The following NDST1 variants were observed in gnomAD, a reference collection of about 807,000 sequenced individuals.
The protein encoded by NDST1 is bifunctional heparan sulfate N-deacetylase/N-sulfotransferase 1.
In NDST1, 35 loss-of-function variants were observed where a neutral mutation model predicts 92.8. The observed-to-expected ratio is 0.38, with a 90% CI of 0.29 to 0.50. The LOEUF is 0.50. NDST1 is among the 20% of genes least tolerant of loss of function. The pLI is 0.94. For missense variants in NDST1, 822 were observed against 1,182.7 expected (o/e 0.69, Z 4.47); for synonymous variants, 493 against 500.3 (o/e 0.99, Z 0.19).
Position 150,527,953 on chromosome 5 carries a change from C to A in NDST1, c.663C>A (p.Pro221=). The change falls in exon 3 of 15, where the codon CCC becomes CCA. Residue 221 remains proline (P), a synonymous_variant. Transcript: ENST00000261797. ...GCGAGGTGGAGAAAGGTGTGCTCCC[C>A]GGCGAGGACTGGACGGTTTTCCAGT... is the stretch of plus-strand genomic sequence containing the variant. The part of the protein sequence containing the change: ...RPSEVEKGVL[P]GEDWTVFQSN... The A allele has an allele frequency of 6.2e-7, 1 of 1,614,018 alleles. No homozygotes were observed. The highest frequency in any genetic ancestry group is 1.1e-5 in the South Asian group (1 of 91,072).
upstream of NDST1, among the ~76,000 whole-genome samples, chr5:150,505,209 G>A (rs972284420): frequency 6.6e-6 from 1 of 152,204 alleles, no homozygotes. Context: ...TGGTTCATCT[G>A]TGGAATGCTT....
At chr5:150,532,613 G>A (rs1341619062) in intron 3 of NDST1, among the ~76,000 whole-genome samples, 2 of 151,962 alleles carry the variant, frequency 1.3e-5, no homozygotes, top group African/African-American at 4.8e-5. Flanking sequence ...CTGCACCTCC[G>A]CCTCCCGGGT....
rs762327425 is a variant in NDST1 at position 150,551,700 on chromosome 5, C to T, written c.2427-53C>T. On this transcript the variant is annotated intron_variant, in intron 13 of 14. Transcript: ENST00000261797. ...GGGTCCATGAACATGGCTTTAAGGT[C>T]GGAAGTGGGTGGCTGAGCCAGCTCC... The T allele has an allele frequency of 1.8e-5, 29 of 1,598,644 alleles. No homozygotes were observed. In the Middle Eastern group the frequency reaches 6.8e-4, roughly 38 times the overall value.
Position 150,557,503 on chromosome 5 carries a change from G to C in NDST1, c.*4171G>C, listed in dbSNP as rs1755894319. ...CCTGGCTGGCAGCAGGAGCTGTGAA[G>C]TTTCATCCCAGCCGGGTGCATTTAG... On this transcript the variant is annotated 3_prime_UTR_variant, in exon 15 of 15. Transcript: ENST00000261797. This position sits in a 1 kb window ranked among gnomAD's most constrained non-coding sequence, Gnocchi z 4.7. 6.6e-6 allele frequency: 1 copy of C among 152,404 alleles called. No individual in the cohort carries two copies. Among genetic ancestry groups the C allele is most frequent in the Admixed American group, 6.5e-5 (1 of 15,292 alleles). 9.4% of individuals were successfully genotyped at this position (152,404 alleles called of 1,614,324 possible).
Position 150,553,883 on chromosome 5 carries a change from C to T in NDST1, c.*551C>T. On this transcript the variant is annotated 3_prime_UTR_variant, in exon 15 of 15. Transcript: ENST00000261797. The surrounding 1 kb of genome is among the most constrained non-coding windows in gnomAD (Gnocchi z 4.2). ...TCAAGAGGACTCCCAGCCTCCACAT[C>T]TGGTTCCTACCTTCACATCTCACCC... The T allele has an allele frequency of 2.3e-6, 1 of 430,534 alleles. No homozygotes were observed. Among genetic ancestry groups the T allele is most frequent in the Non-Finnish European group, 4.1e-6 (1 of 244,246 alleles). 26.7% of individuals were successfully genotyped at this position (430,534 alleles called of 1,614,324 possible).
In NDST1 at chr5:150,521,903, T is replaced by A; in HGVS notation, c.513+136T>A. 8.7e-7 allele frequency: 1 copy of A among 1,150,376 alleles called. No homozygotes were observed. The highest frequency in any genetic ancestry group is 1.3e-6 in the Non-Finnish European group (1 of 790,646). The allele number at this position is 1,150,376 out of a possible 1,614,324, so 71.3% of individuals were successfully genotyped here. On this transcript the variant is annotated intron_variant, in intron 2 of 14. Transcript: ENST00000261797. This position sits in a 1 kb window ranked among gnomAD's most constrained non-coding sequence, Gnocchi z 5.9. ...TGGGAGGGTTAAATGAGTGAGTATA[T>A]GTAAAGCACTGGGAGCATGCGGTGC...
upstream of NDST1, among the ~76,000 whole-genome samples, chr5:150,504,109 C>A (rs1561585509): frequency 1.3e-5 from 2 of 152,198 alleles, no homozygotes; most frequent in Non-Finnish European, 2.9e-5. Flanking sequence ...CCACACTTCA[C>A]TGGTGCCCAG....
Position 150,527,930 on chromosome 5 carries a change from G to A in NDST1, c.640G>A (p.Glu214Lys), listed in dbSNP as rs753290715. The A allele has an allele frequency of 2.5e-6, 4 of 1,614,100 alleles. No individual in the cohort carries two copies. Among genetic ancestry groups the A allele is most frequent in the East Asian group, 4.5e-5 (2 of 44,900 alleles). Residue 214 changes from glutamate (E) to lysine (K), a missense_variant, in exon 3 of 15, where the codon GAG becomes AAG. Transcript: ENST00000261797. ...SPLLYVTRPSEVEKGVLPGED... is the reference protein window; with the variant it reads ...SPLLYVTRPSKVEKGVLPGED... ...GCTGCTCTACGTGACGCGACCTAGCGAGGTGGAGAAAGGTGTGCTCCCCGG... is the reference window on the plus strand; with the variant it reads ...GCTGCTCTACGTGACGCGACCTAGCAAGGTGGAGAAAGGTGTGCTCCCCGG...
intron 2 of NDST1, among the ~76,000 whole-genome samples, chr5:150,522,741 C>T (rs1457710486): frequency 6.6e-6 from 1 of 151,766 alleles, no homozygotes; most frequent in African/African-American, 2.4e-5. Context: ...GTGATCAGTA[C>T]AAAAAGAAAC....
chr5:150,539,626 A>G (rs749987988), intron 7 of NDST1: 13 of 985,176 alleles, frequency 1.3e-5, no homozygotes, highest in African/African-American at 1.0e-4. Flanking sequence ...GTCTTTGCTC[A>G]TGTGTGTATA....
intron 12 of NDST1, 68 bp from the exon 13 acceptor site, chr5:150,549,609 TG>T: frequency 2.2e-6 from 2 of 891,128 alleles, no homozygotes; most frequent in South Asian, 2.8e-5. Context: ...CCATTCCTGC[TG>T]CCGTGGCTGT....
intron 1 of NDST1, among the ~76,000 whole-genome samples, chr5:150,513,405 CGCTCGAAGCTTGAA>C (rs769356631): frequency 1.3e-5 from 2 of 152,114 alleles, no homozygotes; most frequent in Non-Finnish European, 2.9e-5. Context: ...GCTCGAAAAT[CGCTCGAAGCTTGAA>C]CCCAGGAGGG....
intron 1 of NDST1, among the ~76,000 whole-genome samples, chr5:150,511,685 G>A (rs1753728836): frequency 6.6e-6 from 1 of 152,086 alleles, no homozygotes; most frequent in South Asian, 2.1e-4. Flanking sequence ...CTGGACTCTG[G>A]GGTGACTGAC....
intron 1 of NDST1, among the ~76,000 whole-genome samples, chr5:150,511,636 G>T (rs1291789961): frequency 6.6e-6 from 1 of 152,100 alleles, no homozygotes; most frequent in African/African-American, 2.4e-5. Context: ...GCGACTCTGA[G>T]CCAGACCTCC....
In NDST1 at chr5:150,545,372, C is replaced by T. The variant is rs139041226; in HGVS notation, c.2031C>T (p.Ser677=). 1.8e-4 allele frequency: 291 copies of T among 1,614,236 alleles called. No individual in the cohort carries two copies. Among genetic ancestry groups the T allele is most frequent in the Non-Finnish European group, 2.3e-4 (267 of 1,180,038 alleles). ...NTTSDFYFEK[S]ANYFDSEVAP... is the part of the protein sequence containing the mutation. The stretch of plus-strand genomic sequence containing the variant: ...CCTCCGACTTCTACTTTGAGAAAAG[C>T]GCCAACTACTTTGATTCAGAAGTGG... The change falls in exon 11 of 15, where the codon AGC becomes AGT. Residue 677 remains serine (S), a synonymous_variant. Coordinates refer to ENST00000261797, the MANE Select transcript of NDST1 (RefSeq NM_001543.5).
chr5:150,538,775 C>T (rs1402363308), intron 6 of NDST1, among the ~76,000 whole-genome samples: 1 of 152,170 alleles, frequency 6.6e-6, no homozygotes, highest in African/African-American at 2.4e-5. Context: ...GGTGACAAGG[C>T]AGGCCCATTC....
chr5:150,503,966 C>T (rs1393513010), upstream of NDST1, among the ~76,000 whole-genome samples: 1 of 152,150 alleles, frequency 6.6e-6, no homozygotes, highest in Non-Finnish European at 1.5e-5. Flanking sequence ...ATGGGTCAGG[C>T]GGATCCTGGA....
chr5:150,553,568 T>G lies in NDST1; in HGVS notation c.*236T>G. On this transcript the variant is annotated 3_prime_UTR_variant, in exon 15 of 15. Coordinates refer to ENST00000261797, the MANE Select transcript of NDST1 (RefSeq NM_001543.5). The surrounding 1 kb of genome is among the most constrained non-coding windows in gnomAD (Gnocchi z 4.2). ...CCCTCGCCAGCAGAGGTCCATTCCG[T>G]TCCCAGCTGCTCCTGGGGAGGCCGC... 1 of 523,664 alleles carries G rather than the reference T, an allele frequency of 1.9e-6. No homozygotes were observed. Among genetic ancestry groups the G allele is most frequent in the African/African-American group, 1.9e-5 (1 of 52,618 alleles). 32.4% of individuals were successfully genotyped at this position (523,664 alleles called of 1,614,324 possible). A position where few individuals can be genotyped will look rare whatever the true frequency, so the allele number is the denominator to read the frequency against.
intron 1 of NDST1, among the ~76,000 whole-genome samples, chr5:150,516,560 G>A (rs1310439732): frequency 1.3e-5 from 2 of 152,146 alleles, no homozygotes; most frequent in East Asian, 1.9e-4. Context: ...GTTTTGAATC[G>A]AAGCCACTTG....
Sources: gnomAD v4.1 joint callset for allele counts (sites outside exome capture counted in the v4.1 genomes callset) on GRCh38, gnomAD v4.1.1 for gene constraint, Gnocchi (gnomAD v3.1) non-coding constraint, MANE v1.5 for transcripts, NCBI Gene and HGNC (gene_info 2026-07-23, HGNC 2026-07-21) for gene names.